MAPK8: variants seen among roughly 807,000 people sequenced by gnomAD.
MAPK8 encodes the protein JUN N-terminal kinase.
MAPK8 carries 13 observed loss-of-function variants against 52.9 expected under a neutral mutation model. That is an observed-to-expected ratio of 0.25 (90% confidence interval 0.16 to 0.39). The LOEUF (loss-of-function observed/expected upper bound fraction) is 0.39. MAPK8 is among the 10% of genes least tolerant of loss of function. The probability of loss-of-function intolerance (pLI) is 1.00; values close to 1 mark genes in which losing one functional copy is unlikely to be tolerated. For synonymous variants in MAPK8, 191 were observed against 169.8 expected (o/e 1.12, Z -0.97); for missense variants, 300 against 519.2 (o/e 0.58, Z 4.10).
intron 3 of MAPK8, among the ~76,000 whole-genome samples, chr10:48,405,248 G>A (rs2042400425): frequency 1.3e-5 from 2 of 152,090 alleles, no homozygotes; most frequent in South Asian, 4.1e-4. Flanking sequence ...ATAAGCGTTT[G>A]AGAAGAATTT....
chr10:48,372,164 G>A (rs1467265539), intron 1 of MAPK8, among the ~76,000 whole-genome samples: 1 of 152,008 alleles, frequency 6.6e-6, no homozygotes, highest in Non-Finnish European at 1.5e-5. Context: ...CCTAGAGGTT[G>A]GAGTAGGACC....
At chr10:48,381,724 CAT>C (rs1164663267) in intron 1 of MAPK8, among the ~76,000 whole-genome samples, 3 of 152,162 alleles carry the variant, frequency 2.0e-5, no homozygotes, top group African/African-American at 7.2e-5. Flanking sequence ...TAAACTAAAA[CAT>C]ATCTAATAAT....
intron 8 of MAPK8, 32 bp from the exon 9 acceptor site, chr10:48,426,348 A>G: frequency 6.5e-7 from 1 of 1,546,308 alleles, no homozygotes; most frequent in Non-Finnish European, 8.7e-7. Flanking sequence ...ATCTTTACAA[A>G]TATATGTACA....
At chr10:48,416,765 G>A (rs2043086547) in intron 5 of MAPK8, among the ~76,000 whole-genome samples, 1 of 151,934 alleles carries the variant, frequency 6.6e-6, no homozygotes. Context: ...CCTTGCCGTG[G>A]GTGGGGAATA....
chr10:48,325,821 T>G (rs1379567627), intron 1 of MAPK8: 1 of 152,248 alleles, frequency 6.6e-6, no homozygotes, highest in African/African-American at 2.4e-5. Flanking sequence ...GATATTCCTT[T>G]TTGTGATTAC....
At chr10:48,408,657 T>C (rs953330722) in intron 3 of MAPK8, among the ~76,000 whole-genome samples, 7 of 152,234 alleles carry the variant, frequency 4.6e-5, no homozygotes, top group African/African-American at 1.7e-4. Context: ...GGTCTTTCTT[T>C]TACCATATTA....
chr10:48,410,490 T>A (rs1356198086), intron 5 of MAPK8, among the ~76,000 whole-genome samples: 1 of 152,240 alleles, frequency 6.6e-6, no homozygotes, highest in Non-Finnish European at 1.5e-5. Flanking sequence ...TCATTCCTTT[T>A]TATGACTGAA....
chr10:48,367,063 A>G (rs892999825), intron 1 of MAPK8, among the ~76,000 whole-genome samples: 1 of 152,186 alleles, frequency 6.6e-6, no homozygotes, highest in Non-Finnish European at 1.5e-5. Context: ...TTATTTGTGC[A>G]CCCTTAAAAT....
chr10:48,394,922 CAA>C (rs1052980184), intron 1 of MAPK8, among the ~76,000 whole-genome samples: 9 of 151,708 alleles, frequency 5.9e-5, no homozygotes, highest in African/African-American at 1.9e-4. Flanking sequence ...TAAATACAAA[CAA>C]ATTAAAATAA....
At chr10:48,420,090 T>C in intron 5 of MAPK8, 65 bp from the exon 6 acceptor site, 2 of 1,232,710 alleles carry the variant, frequency 1.6e-6, no homozygotes, top group Admixed American at 2.0e-5. Flanking sequence ...AGTATAACTT[T>C]ATTGTGAACT....
chr10:48,411,976 C>T (rs886748633), intron 5 of MAPK8, among the ~76,000 whole-genome samples: 15 of 151,916 alleles, frequency 9.9e-5, no homozygotes, highest in Admixed American at 6.6e-4. Flanking sequence ...TCCCAAGTAG[C>T]TGGGATTACA....
chr10:48,315,356 C>T (rs1245113659), intron 1 of MAPK8, among the ~76,000 whole-genome samples: 5 of 152,182 alleles, frequency 3.3e-5, no homozygotes, highest in Non-Finnish European at 7.3e-5. Context: ...AGAACACTTC[C>T]ATCACCCAGA....
rs942932434 is a variant in MAPK8, at chr10:48,436,865, T to G, written c.*1836T>G. ...AGGCAAATTAGAGTTCTAAGACACT[T>G]CTTGAATTGTAGACAGAAAATATTG... On this transcript the variant is annotated 3_prime_UTR_variant, in exon 12 of 12. Transcript: ENST00000374189. The G allele has an allele frequency of 2.0e-5, 3 of 152,212 alleles. No homozygotes were observed. The highest frequency in any genetic ancestry group is 4.4e-5 in the Non-Finnish European group (3 of 68,034). The allele number at this position is 152,212 out of a possible 1,614,324, so 9.4% of individuals were successfully genotyped here. A position where few individuals can be genotyped will look rare whatever the true frequency, so the allele number is the denominator to read the frequency against.
intron 9 of MAPK8, 116 bp downstream of exon 9, chr10:48,426,620 GT>G: frequency 1.1e-6 from 1 of 942,832 alleles, no homozygotes; most frequent in South Asian, 1.6e-5. Context: ...TGATGATGAT[GT>G]TTTTCTGTTT....
At chr10:48,374,140 GAC>G (rs2040505379) in intron 1 of MAPK8, among the ~76,000 whole-genome samples, 1 of 152,156 alleles carries the variant, frequency 6.6e-6, no homozygotes, top group Non-Finnish European at 1.5e-5. Flanking sequence ...GCTCCTGAAT[GAC>G]TACTGGAAAA....
At chr10:48,333,848 C>T (rs1316969858) in intron 1 of MAPK8, among the ~76,000 whole-genome samples, 1 of 152,216 alleles carries the variant, frequency 6.6e-6, no homozygotes, top group Admixed American at 6.5e-5. Flanking sequence ...TGTGGCCTCC[C>T]TACCTTTGGG....
rs189618333 is a variant in MAPK8, at chr10:48,414,555, T to C, written c.450+4387T>C. ...TGCAGCCTTGAACTCCTGGGTTCAATAGGTTGAAAAGAATTTTTTTTTTTT... is the reference window on the plus strand; with the variant it reads ...TGCAGCCTTGAACTCCTGGGTTCAACAGGTTGAAAAGAATTTTTTTTTTTT... On this transcript the variant is annotated intron_variant, in intron 5 of 11. Coordinates refer to ENST00000374189, the MANE Select transcript of MAPK8 (RefSeq NM_001323329.2). Among the ~76,000 whole-genome samples, 740 of 143,962 alleles carry C rather than the reference T, an allele frequency of 5.1e-3. 1 individual carries two copies. Among genetic ancestry groups the C allele is most frequent in the Non-Finnish European group, 7.0e-3 (466 of 66,524 alleles). 94.4% of individuals were successfully genotyped at this position (143,962 alleles called of 152,430 possible).
At chr10:48,360,654 C>A (rs1462406458) in intron 1 of MAPK8, among the ~76,000 whole-genome samples, 1 of 152,164 alleles carries the variant, frequency 6.6e-6, no homozygotes, top group Non-Finnish European at 1.5e-5. Flanking sequence ...CACACACACT[C>A]TCACACGCAT....
At position 48,436,919 on chromosome 10, in the gene MAPK8, ATGAG is replaced by A. The variant is rs2044892628; in HGVS notation, c.*1893_*1896del. ...TCACAATTTCAGCAGAAATTTGAGA[ATGAG>A]TGTGTTTATATTAATTTCACAATTA... On this transcript the variant is annotated 3_prime_UTR_variant, in exon 12 of 12. Coordinates refer to ENST00000374189, the MANE Select transcript of MAPK8 (RefSeq NM_001323329.2). 2.6e-5 allele frequency: 4 copies of A among 152,242 alleles called. No homozygotes were observed. Among genetic ancestry groups the A allele is most frequent in the South Asian group, 2.1e-4 (1 of 4,834 alleles). 9.4% of individuals were successfully genotyped at this position (152,242 alleles called of 1,614,324 possible).
Sources: gnomAD v4.1 joint callset for allele counts (sites outside exome capture counted in the v4.1 genomes callset) on GRCh38, gnomAD v4.1.1 for gene constraint, MANE v1.5 for transcripts, NCBI Gene and HGNC (gene_info 2026-07-23, HGNC 2026-07-21) for gene names.